Variants in FRMD4B observed in about 807,000 individuals in gnomAD.
The protein encoded by FRMD4B is FERM domain containing 4B.
A neutral mutation model predicts 141.5 loss-of-function variants in FRMD4B; 74 were observed. The ratio of observed to expected loss-of-function variants is 0.52; its 90% CI spans 0.43 to 0.63. The LOEUF (loss-of-function observed/expected upper bound fraction) is 0.63, where lower values mean the gene tolerates loss of function less well. Among genes scored for constraint, FRMD4B ranks in the 30% least tolerant of loss-of-function variants. The pLI, the probability that FRMD4B is intolerant of heterozygous loss-of-function variation, is 0.00. For missense variants in FRMD4B, 1,366 were observed against 1,253.4 expected, an observed-to-expected ratio of 1.09 and a Z score of -1.36; for synonymous variants, 506 against 467.9, an observed-to-expected ratio of 1.08 and a Z score of -1.05.
At chr3:69,206,169 G>A (rs2093022779) in intron 11 of FRMD4B, among the ~76,000 whole-genome samples, 1 of 152,036 alleles carries the variant, frequency 6.6e-6, no homozygotes, top group Admixed American at 6.6e-5. Flanking sequence ...CTGACCAATG[G>A]TAAAACCCCA....
At chr3:69,450,243 C>T (rs1469767377) in intron 1 of FRMD4B, among the ~76,000 whole-genome samples, 1 of 152,208 alleles carries the variant, frequency 6.6e-6, no homozygotes. Flanking sequence ...CCACTTCAGG[C>T]CAAATGTCGT....
intron 1 of FRMD4B, chr3:69,536,160 C>A: frequency 1.9e-6 from 1 of 527,734 alleles, no homozygotes. Context: ...TGCACCTCTG[C>A]TGGCCTCTTC....
chr3:69,248,915 T>A (rs566524997), intron 7 of FRMD4B, among the ~76,000 whole-genome samples: 15 of 152,380 alleles, frequency 9.8e-5, no homozygotes, highest in East Asian at 5.8e-4. Context: ...GGTTTTTTTT[T>A]ATCAGCATAA....
At chr3:69,180,488 C>T (rs1180335217) in intron 21 of FRMD4B, among the ~76,000 whole-genome samples, 4 of 152,020 alleles carry the variant, frequency 2.6e-5, no homozygotes, top group Middle Eastern at 3.4e-3. Context: ...GCCTCAATGA[C>T]GTGAACACAT....
chr3:69,220,465 C>T (rs1314640947), intron 9 of FRMD4B, among the ~76,000 whole-genome samples: 8 of 152,144 alleles, frequency 5.3e-5, no homozygotes. Flanking sequence ...GTTCAGAAAA[C>T]AGGCACAATG....
intron 1 of FRMD4B, among the ~76,000 whole-genome samples, chr3:69,455,819 G>A (rs1179981471): frequency 6.6e-6 from 1 of 152,090 alleles, no homozygotes; most frequent in Non-Finnish European, 1.5e-5. Flanking sequence ...ACATTGTGCT[G>A]GCTCCCACTG....
At chr3:69,358,437 A>G (rs1559827970) in intron 1 of FRMD4B, among the ~76,000 whole-genome samples, 2 of 152,180 alleles carry the variant, frequency 1.3e-5, no homozygotes, top group East Asian at 3.9e-4. Context: ...TTTTCACAGT[A>G]TTAAGAGGTG....
At chr3:69,473,890 C>T (rs1204233935) in intron 1 of FRMD4B, among the ~76,000 whole-genome samples, 2 of 152,176 alleles carry the variant, frequency 1.3e-5, no homozygotes, top group Non-Finnish European at 2.9e-5. Context: ...CCACTTCTAA[C>T]AAATGTTATT....
chr3:69,361,762 C>T (rs1703476863), intron 1 of FRMD4B, among the ~76,000 whole-genome samples: 1 of 152,098 alleles, frequency 6.6e-6, no homozygotes, highest in South Asian at 2.1e-4. Context: ...TAATGGAAAT[C>T]AGTTGTTCTC....
intron 8 of FRMD4B, among the ~76,000 whole-genome samples, chr3:69,222,814 A>G (rs2093209925): frequency 6.6e-6 from 1 of 152,204 alleles, no homozygotes; most frequent in Non-Finnish European, 1.5e-5. Flanking sequence ...AACAATATCA[A>G]TTTCTCCAAT....
At position 69,188,011 on chromosome 3, in the gene FRMD4B, T is replaced by G; in HGVS notation, c.1772-94A>C. 4 of 689,210 alleles carry G rather than the reference T, an allele frequency of 5.8e-6. No individual in the cohort carries two copies. In the South Asian group the frequency reaches 6.9e-5, roughly 12 times the overall value. The allele number at this position is 689,210 out of a possible 1,614,324, so 42.7% of individuals were successfully genotyped here. On this transcript the variant is annotated intron_variant, in intron 18 of 22. Coordinates refer to ENST00000398540, the MANE Select transcript of FRMD4B (RefSeq NM_015123.3). The stretch of plus-strand genomic sequence containing the variant: ...ATACCTCAAAAAAGAAATTAGAAGG[T>G]TTAGTGAACAAAGTGTTCTTCCAAA...
At chr3:69,208,666 C>T (rs6775076) in intron 11 of FRMD4B, among the ~76,000 whole-genome samples, 19,587 of 152,170 alleles carry the variant, frequency 0.13, 1,416 homozygotes, top group East Asian at 0.35. Flanking sequence ...CCCCTCCCTG[C>T]ATCCCATTAC....
At chr3:69,335,466 G>C (rs555641660) in intron 1 of FRMD4B, among the ~76,000 whole-genome samples, 2 of 148,202 alleles carry the variant, frequency 1.3e-5, no homozygotes, top group East Asian at 2.0e-4. Context: ...TCCACCTCCC[G>C]GTTCAAGCAA....
chr3:69,263,368 G>A lies in FRMD4B; in HGVS notation c.502-13269C>T, dbSNP rs951074980. ...GCCAGTAATCTTCTGTTTCCTTGAC[G>A]TTGATGCTAGTTTGCTAGTTACATG... On this transcript the variant is annotated intron_variant, in intron 5 of 22. Coordinates refer to ENST00000398540, the MANE Select transcript of FRMD4B (RefSeq NM_015123.3). Among the ~76,000 whole-genome samples, 17 of 146,390 alleles carry A rather than the reference G, an allele frequency of 1.2e-4. 1 individual carries two copies. The highest frequency in any genetic ancestry group is 9.6e-4 in the Admixed American group (14 of 14,604).
At position 69,385,961 on chromosome 3, in the gene FRMD4B, T is replaced by C; in HGVS notation, c.29A>G (p.Glu10Gly). 6.2e-7 allele frequency: 1 copy of C among 1,604,680 alleles called. No individual in the cohort carries two copies. Among genetic ancestry groups the C allele is most frequent in the Non-Finnish European group, 8.5e-7 (1 of 1,175,888 alleles). The change falls in exon 1 of 23, where the codon GAG (glutamate) becomes GGG (glycine). Residue 10 changes from glutamate to glycine, a missense_variant. By Grantham distance (98) the Glu-to-Gly change is moderately conservative (BLOSUM62 -2). Transcript: ENST00000398540. MASVFMCGV[E>G]DLLFSGSRFV... Reference sequence around the variant, plus strand: ...GCGGCTGCCGCTGAACAGCAGGTCCTCCACGCCACACATGAACACCGAAGC... The same window carrying C: ...GCGGCTGCCGCTGAACAGCAGGTCCCCCACGCCACACATGAACACCGAAGC...
At position 69,181,320 on chromosome 3, in the gene FRMD4B, T is replaced by C; in HGVS notation, c.2430A>G (p.Thr810=). The change falls in exon 21 of 23, where the codon ACA becomes ACG. Residue 810 remains threonine, a synonymous_variant. Coordinates refer to ENST00000398540, the MANE Select transcript of FRMD4B (RefSeq NM_015123.3). ...PSSSYYIAGY[T]PYAECDFYYS... ...AATAAAAGTCACACTCTGCATAGGGTGTGTACCCGGCAATGTAGTAACTGG... is the reference window on the plus strand; with the variant it reads ...AATAAAAGTCACACTCTGCATAGGGCGTGTACCCGGCAATGTAGTAACTGG... The C allele has an allele frequency of 6.2e-7, 1 of 1,613,874 alleles. No homozygotes were observed. Among genetic ancestry groups the C allele is most frequent in the South Asian group, 1.1e-5 (1 of 91,072 alleles).
At chr3:69,229,218 G>T (rs141462359) in intron 7 of FRMD4B, among the ~76,000 whole-genome samples, 1 of 151,986 alleles carries the variant, frequency 6.6e-6, no homozygotes, top group East Asian at 1.9e-4. Flanking sequence ...TAGATATGGG[G>T]TCTCACTATG....
At chr3:69,430,915 A>T (rs1293907304) in intron 2 of FRMD4B, among the ~76,000 whole-genome samples, 1 of 152,224 alleles carries the variant, frequency 6.6e-6, no homozygotes, top group Non-Finnish European at 1.5e-5. Context: ...GAATGACAGT[A>T]GGGACAATAT....
intron 5 of FRMD4B, among the ~76,000 whole-genome samples, chr3:69,252,702 T>C (rs1004877904): frequency 4.6e-5 from 7 of 152,210 alleles, no homozygotes; most frequent in Non-Finnish European, 8.8e-5. Context: ...ATTTCAAGCC[T>C]GAAGTGTAAA....
Sources: gnomAD v4.1 joint callset for allele counts (sites outside exome capture counted in the v4.1 genomes callset) on GRCh38, gnomAD v4.1.1 for gene constraint, MANE v1.5 for transcripts, NCBI Gene and HGNC (gene_info 2026-07-23, HGNC 2026-07-21) for gene names.